Variants in RAPGEF6 observed in about 807,000 individuals in gnomAD.
RAPGEF6 encodes the protein Rap guanine nucleotide exchange factor 6, also known as PDZ domain containing guanine nucleotide exchange factor (GEF) 2.
A neutral mutation model predicts 171.4 loss-of-function variants in RAPGEF6; 56 were observed. The observed-to-expected ratio is 0.33, with a 90% CI of 0.26 to 0.41. The LOEUF is 0.41. Ranked by LOEUF, RAPGEF6 falls within the 10% of genes least tolerant of loss-of-function variation. The pLI, the probability that RAPGEF6 is intolerant of heterozygous loss-of-function variation, is 1.00. For synonymous variants in RAPGEF6, 692 were observed against 650.1 expected, an observed-to-expected ratio of 1.06 and a Z score of -0.98; for missense variants, 1,674 against 1,921.4, an observed-to-expected ratio of 0.87 and a Z score of 2.41.
chr5:131,465,436 A>G (rs1480815044), intron 17 of RAPGEF6, among the ~76,000 whole-genome samples: 1 of 152,188 alleles, frequency 6.6e-6, no homozygotes, highest in Admixed American at 6.5e-5. Flanking sequence ...AACAAATGCT[A>G]AAAATTTTCC....
chr5:131,556,242 C>A (rs901144053), intron 5 of RAPGEF6, among the ~76,000 whole-genome samples: 2 of 152,148 alleles, frequency 1.3e-5, no homozygotes, highest in Non-Finnish European at 1.5e-5. Context: ...GAGTTTGAGG[C>A]TAGCCTGACC....
intron 4 of RAPGEF6, among the ~76,000 whole-genome samples, chr5:131,584,030 G>A (rs1399747745): frequency 6.6e-6 from 1 of 152,204 alleles, no homozygotes; most frequent in Non-Finnish European, 1.5e-5. Context: ...GACCAAGGAA[G>A]GGAGCAGGGA....
chr5:131,589,982 A>G (rs756510829), intron 4 of RAPGEF6, among the ~76,000 whole-genome samples: 8 of 152,218 alleles, frequency 5.3e-5, no homozygotes, highest in Non-Finnish European at 1.0e-4. Context: ...TCTAGTCGTG[A>G]GGAAGGGGTC....
intron 22 of RAPGEF6, among the ~76,000 whole-genome samples, chr5:131,445,767 T>C (rs995628006): frequency 1.3e-5 from 2 of 152,062 alleles, no homozygotes; most frequent in Non-Finnish European, 2.9e-5. Flanking sequence ...TGGGGTCTCT[T>C]TGAGTTGCCA....
In RAPGEF6 at chr5:131,472,710, T is replaced by C. The variant is rs1391479513; in HGVS notation, c.2116A>G (p.Ile706Val). 1.9e-6 allele frequency: 3 copies of C among 1,612,328 alleles called. No individual in the cohort carries two copies. Among genetic ancestry groups the C allele is most frequent in the Non-Finnish European group, 2.5e-6 (3 of 1,178,444 alleles). ...TGCCTACAGTGCCTTGTTCCCACAATGCTGTCATCTTGTGATTGGCTTAGG... is the reference window on the plus strand; with the variant it reads ...TGCCTACAGTGCCTTGTTCCCACAACGCTGTCATCTTGTGATTGGCTTAGG... The part of the protein sequence containing the change: ...GGLSQSQDDS[I>V]VGTRHCRHSL... The change falls in exon 17 of 28, where the codon ATT becomes GTT. Residue 706 changes from isoleucine (I) to valine (V), a missense_variant. Ile to Val is a conservative substitution (Grantham distance 29). Around this residue, in one of 3 missense-constraint regions of RAPGEF6, gnomAD observed 1,116 missense variants for 1,321.5 expected, o/e 0.84. Coordinates refer to ENST00000509018, the MANE Select transcript of RAPGEF6 (RefSeq NM_016340.6).
chr5:131,623,057 T>C (rs1765685020), intron 1 of RAPGEF6, among the ~76,000 whole-genome samples: 1 of 152,180 alleles, frequency 6.6e-6, no homozygotes, highest in African/African-American at 2.4e-5. Context: ...AATACCTAGT[T>C]CTAAAACAAA....
At chr5:131,521,594 C>A in intron 6 of RAPGEF6, 73 bp from the exon 7 acceptor site, 2 of 1,414,954 alleles carry the variant, frequency 1.4e-6, no homozygotes, top group South Asian at 1.4e-5. Flanking sequence ...ACATGTTCAA[C>A]AAATTTTTAT....
intron 7 of RAPGEF6, among the ~76,000 whole-genome samples, chr5:131,512,488 C>CTGGA (rs1191012356): frequency 6.6e-6 from 1 of 151,848 alleles, no homozygotes; most frequent in African/African-American, 2.4e-5. Flanking sequence ...AGGCACTGGC[C>CTGGA]TTTTGGCTTT....
At chr5:131,443,394 T>C (rs1162417827) in intron 22 of RAPGEF6, among the ~76,000 whole-genome samples, 1 of 152,184 alleles carries the variant, frequency 6.6e-6, no homozygotes, top group Non-Finnish European at 1.5e-5. Flanking sequence ...AATTCTTGAA[T>C]CCATGTTAAT....
chr5:131,547,691 G>A (rs1444655943), intron 6 of RAPGEF6, among the ~76,000 whole-genome samples: 1 of 151,764 alleles, frequency 6.6e-6, no homozygotes, highest in Admixed American at 6.6e-5. Context: ...TGTATTTTTA[G>A]TAGAGATGGG....
intron 3 of RAPGEF6, among the ~76,000 whole-genome samples, chr5:131,595,555 A>T (rs1161766856): frequency 6.6e-6 from 1 of 152,202 alleles, no homozygotes; most frequent in Non-Finnish European, 1.5e-5. Context: ...AGTAAACATA[A>T]AGTAAGTACA....
In RAPGEF6 at chr5:131,508,203, T is replaced by C. The variant is rs575190193; in HGVS notation, c.810A>G (p.Gln270=). The change falls in exon 9 of 28, where the codon CAA becomes CAG. Residue 270 remains glutamine, a synonymous_variant. Coordinates refer to ENST00000509018, the MANE Select transcript of RAPGEF6 (RefSeq NM_016340.6). The part of the protein sequence containing the change: ...PADKTDDDIE[Q]LLEFMHQLPA... ...GGAGCTGGTGCATAAACTCCAGCAATTGTTCTATAAGAAAACAGAAATTCT... is the reference window on the plus strand; with the variant it reads ...GGAGCTGGTGCATAAACTCCAGCAACTGTTCTATAAGAAAACAGAAATTCT... The C allele has an allele frequency of 4.3e-5, 69 of 1,608,524 alleles. No homozygotes were observed. In the East Asian group the frequency reaches 5.4e-4, roughly 13 times the overall value.
At chr5:131,462,339 T>C (rs115576988) in intron 18 of RAPGEF6, among the ~76,000 whole-genome samples, 103 of 152,328 alleles carry the variant, frequency 6.8e-4, no homozygotes, top group African/African-American at 2.4e-3. Context: ...AATTATTTTA[T>C]GAAACTATCT....
intron 4 of RAPGEF6, among the ~76,000 whole-genome samples, chr5:131,579,076 G>A (rs571111156): frequency 3.9e-5 from 6 of 152,268 alleles, no homozygotes; most frequent in African/African-American, 9.6e-5. Context: ...TTCTTCTGGC[G>A]GGTTCGTGGT....
chr5:131,513,099 T>C (rs192554955), intron 7 of RAPGEF6, among the ~76,000 whole-genome samples: 28 of 152,246 alleles, frequency 1.8e-4, no homozygotes, highest in Admixed American at 1.4e-3. Flanking sequence ...AATTACAGGG[T>C]TTAAACGGAG....
At chr5:131,573,837 G>GGCCA (rs1273421507) in intron 4 of RAPGEF6, among the ~76,000 whole-genome samples, 1 of 151,994 alleles carries the variant, frequency 6.6e-6, no homozygotes, top group Non-Finnish European at 1.5e-5. Flanking sequence ...GACCCAGAGG[G>GGCCA]GCCAGAAGGC....
At chr5:131,559,823 C>T (rs1761477289) in intron 5 of RAPGEF6, among the ~76,000 whole-genome samples, 1 of 150,148 alleles carries the variant, frequency 6.7e-6, no homozygotes, top group African/African-American at 2.5e-5. Context: ...TCGGTAAGCC[C>T]CTTTTCTTTA....
At chr5:131,429,368 A>G in intron 26 of RAPGEF6, 152 bp from the exon 27 acceptor site, 2 of 684,992 alleles carry the variant, frequency 2.9e-6, no homozygotes, top group East Asian at 2.8e-5. Flanking sequence ...ACATTTTTTA[A>G]AAGTTTAATA....
At chr5:131,535,476 A>T (rs1759704428) in intron 6 of RAPGEF6, among the ~76,000 whole-genome samples, 1 of 152,176 alleles carries the variant, frequency 6.6e-6, no homozygotes, top group Non-Finnish European at 1.5e-5. Flanking sequence ...AAATGAATTA[A>T]GTGCAGCAAA....
Sources: gnomAD v4.1 joint callset for allele counts (sites outside exome capture counted in the v4.1 genomes callset) on GRCh38, gnomAD v4.1.1 for gene constraint, gnomAD v4.1.1 regional missense constraint, MANE v1.5 for transcripts, NCBI Gene and HGNC (gene_info 2026-07-23, HGNC 2026-07-21) for gene names.